SOCS6: variants seen among roughly 807,000 people sequenced by gnomAD.
SOCS6 encodes the protein STAT induced STAT inhibitor-4.
In SOCS6, 5 loss-of-function variants were observed where a neutral mutation model predicts 27.7. The observed-to-expected ratio is 0.18, with a 90% confidence interval of 0.09 to 0.38. SOCS6 has a LOEUF of 0.38. SOCS6 is among the 10% of genes least tolerant of loss of function. The probability of loss-of-function intolerance (pLI) is 1.00; values close to 1 mark genes in which losing one functional copy is unlikely to be tolerated. For synonymous variants in SOCS6, 271 were observed against 260.0 expected, an observed-to-expected ratio of 1.04 and a Z score of -0.41; for missense variants, 595 against 688.1, an observed-to-expected ratio of 0.86 and a Z score of 1.51.
intron 1 of SOCS6, among the ~76,000 whole-genome samples, chr18:70,291,833 A>T (rs570760314): frequency 6.6e-6 from 1 of 152,336 alleles, no homozygotes; most frequent in African/African-American, 2.4e-5. Flanking sequence ...AATTCCAAAT[A>T]CTAGTATATG....
chr18:70,290,084 C>G (rs902392522), intron 1 of SOCS6, among the ~76,000 whole-genome samples: 10 of 152,170 alleles, frequency 6.6e-5, no homozygotes, highest in Admixed American at 2.6e-4. Flanking sequence ...ATGTTGAATT[C>G]ATTTCAACAA....
At position 70,325,684 on chromosome 18, in the gene SOCS6, G is replaced by A. The variant is rs773506593; in HGVS notation, c.1016G>A (p.Ser339Asn). ...LTGTEAHVAE[S>N]MRCHLNFDPN... The stretch of plus-strand genomic sequence containing the variant: ...GGCACAGAAGCCCACGTGGCTGAAA[G>A]TATGCGCTGTCATTTGAATTTTGAT... Residue 339 changes from serine to asparagine, a missense_variant, in exon 2 of 2, where the codon AGT becomes AAT. This residue lies in a region of SOCS6 where 467 missense variants were observed against 481.1 expected (regional missense o/e 0.97). Transcript: ENST00000397942. The surrounding 1 kb of genome is among the most constrained non-coding windows in gnomAD (Gnocchi z 6.3). 2 of 1,614,092 alleles carry A rather than the reference G, an allele frequency of 1.2e-6. No individual in the cohort carries two copies. The highest frequency in any genetic ancestry group is 1.7e-6 in the Non-Finnish European group (2 of 1,180,046).
intron 1 of SOCS6, among the ~76,000 whole-genome samples, chr18:70,301,134 G>A (rs2062346534): frequency 1.3e-5 from 2 of 152,170 alleles, no homozygotes; most frequent in Admixed American, 1.3e-4. Flanking sequence ...CTACCAGTTG[G>A]ATGCTGGCAG....
At chr18:70,303,948 G>A (rs911556913) in intron 1 of SOCS6, among the ~76,000 whole-genome samples, 1 of 152,164 alleles carries the variant, frequency 6.6e-6, no homozygotes, top group Non-Finnish European at 1.5e-5. Flanking sequence ...TTCCATAAAT[G>A]TGTTGAGTGA....
chr18:70,317,408 T>A (rs12965948), intron 1 of SOCS6, among the ~76,000 whole-genome samples: 1 of 151,268 alleles, frequency 6.6e-6, no homozygotes. Context: ...TATAGCTAAG[T>A]AGTATTCCAT....
intron 1 of SOCS6, among the ~76,000 whole-genome samples, chr18:70,320,187 C>T (rs1910925601): frequency 6.6e-6 from 1 of 152,032 alleles, no homozygotes; most frequent in Non-Finnish European, 1.5e-5. Context: ...CGGGGTTTCA[C>T]CATGTTGGCC....
intron 1 of SOCS6, among the ~76,000 whole-genome samples, chr18:70,289,327 G>T (rs1242463888): frequency 1.3e-5 from 2 of 148,842 alleles, no homozygotes; most frequent in Non-Finnish European, 3.0e-5. Flanking sequence ...GGGAACGGGG[G>T]CCGGGGCCAG....
In SOCS6 at chr18:70,325,493, C is replaced by G. The variant is rs144666598; in HGVS notation, c.825C>G (p.Val275=). 1 of 1,614,098 alleles carries G rather than the reference C, an allele frequency of 6.2e-7. No individual in the cohort carries two copies. Among genetic ancestry groups the G allele is most frequent in the Non-Finnish European group, 8.5e-7 (1 of 1,180,030 alleles). ...DESQVDQDLV[V]APEIFVDQSV... ...GTCAGGTAGACCAGGACCTAGTTGT[C>G]GCCCCAGAGATCTTCGTGGATCAGT... Residue 275 remains valine, a synonymous_variant, in exon 2 of 2, where the codon GTC becomes GTG. Coordinates refer to ENST00000397942, the MANE Select transcript of SOCS6 (RefSeq NM_004232.4). The surrounding 1 kb of genome is among the most constrained non-coding windows in gnomAD (Gnocchi z 6.3).
At chr18:70,290,749 C>T (rs2062295234) in intron 1 of SOCS6, among the ~76,000 whole-genome samples, 1 of 152,180 alleles carries the variant, frequency 6.6e-6, no homozygotes, top group African/African-American at 2.4e-5. Flanking sequence ...GGTATTCACC[C>T]GAATCTATAC....
At position 70,329,207 on chromosome 18, in the gene SOCS6, G is replaced by C. The variant is rs1911325911; in HGVS notation, c.*2931G>C. On this transcript the variant is annotated 3_prime_UTR_variant, in exon 2 of 2. Coordinates refer to ENST00000397942, the MANE Select transcript of SOCS6 (RefSeq NM_004232.4). ...CTAAGGAAAACTCTTTCTACTTGGT[G>C]CAATAATCTGAAAATTTAGAAGGTC... The C allele has an allele frequency of 6.0e-6, 1 of 167,048 alleles. No individual in the cohort carries two copies. Among genetic ancestry groups the C allele is most frequent in the African/African-American group, 2.4e-5 (1 of 41,444 alleles). The allele number at this position is 167,048 out of a possible 1,614,324, so 10.3% of individuals were successfully genotyped here. A position where few individuals can be genotyped will look rare whatever the true frequency, so the allele number is the denominator to read the frequency against.
chr18:70,313,800 A>G (rs2062400024), intron 1 of SOCS6, among the ~76,000 whole-genome samples: 1 of 152,170 alleles, frequency 6.6e-6, no homozygotes, highest in East Asian at 1.9e-4. Flanking sequence ...TTAGTCTTTT[A>G]GAATTTTTCT....
rs41474653 is a variant in SOCS6 at position 70,313,096 on chromosome 18, A to T, written c.-126-11447A>T. Among the ~76,000 whole-genome samples the T allele has an allele frequency of 1.9e-3, 289 of 152,266 alleles. 1 individual carries two copies. The highest frequency in any genetic ancestry group is 6.5e-3 in the African/African-American group (270 of 41,560). On this transcript the variant is annotated intron_variant, in intron 1 of 1. Transcript: ENST00000397942. ...CACCGGGTCCATGGATTTTTTAATG[A>T]TGAATGAATTGAGAATATTTTAGGT... is the stretch of plus-strand genomic sequence containing the variant.
At chr18:70,293,113 C>CA (rs1382258181) in intron 1 of SOCS6, among the ~76,000 whole-genome samples, 2 of 152,020 alleles carry the variant, frequency 1.3e-5, no homozygotes, top group East Asian at 3.9e-4. Flanking sequence ...GTGTCCCTGA[C>CA]ACATCCCAGG....
chr18:70,325,626 A>C lies in SOCS6; in HGVS notation c.958A>C (p.Asn320His). 1 of 1,614,208 alleles carries C rather than the reference A, an allele frequency of 6.2e-7. No homozygotes were observed. The highest frequency in any genetic ancestry group is 8.5e-7 in the Non-Finnish European group (1 of 1,180,034). Reference sequence around the variant, plus strand: ...ACCATTGCTACCTCCAATGCAGAATAATCAAATCCAAAGGAACTTCAGTGG... The same window carrying C: ...ACCATTGCTACCTCCAATGCAGAATCATCAAATCCAAAGGAACTTCAGTGG... ...LSPLLPPMQN[N>H]QIQRNFSGLT... is the part of the protein sequence containing the mutation. The change falls in exon 2 of 2, where the codon AAT (asparagine) becomes CAT (histidine). Residue 320 changes from asparagine (N) to histidine (H), a missense_variant. By Grantham distance (68) the Asn-to-His change is moderately conservative. Around this residue, in one of 2 missense-constraint regions of SOCS6, gnomAD observed 467 missense variants for 481.1 expected, o/e 0.97. Coordinates refer to ENST00000397942, the MANE Select transcript of SOCS6 (RefSeq NM_004232.4). This position sits in a 1 kb window ranked among gnomAD's most constrained non-coding sequence, Gnocchi z 6.3.
Position 70,324,552 on chromosome 18 carries a change from C to A in SOCS6, c.-117C>A. On this transcript the variant is annotated 5_prime_UTR_variant, in exon 2 of 2. Transcript: ENST00000397942. ...TATTTTTATTTTTTAGAAAATGGCT[C>A]CAAAGGTTAAATGAAGCAGGAAAAA... is the stretch of plus-strand genomic sequence containing the variant. 1.5e-6 allele frequency: 1 copy of A among 673,522 alleles called. No homozygotes were observed. Among genetic ancestry groups the A allele is most frequent in the Non-Finnish European group, 2.5e-6 (1 of 405,286 alleles). 41.7% of individuals were successfully genotyped at this position (673,522 alleles called of 1,614,324 possible).
Position 70,305,213 on chromosome 18 carries a change from GA to G in SOCS6, c.-127+16135del, listed in dbSNP as rs1305242426. 3.3e-3 allele frequency among the ~76,000 whole-genome samples: 471 copies of G among 143,000 alleles called. 3 individuals carry two copies. Among genetic ancestry groups the G allele is most frequent in the Non-Finnish European group, 2.2e-3 (141 of 64,890 alleles). The allele number at this position is 143,000 out of a possible 152,430, so 93.8% of individuals were successfully genotyped here. ...ACAGAGCAAGACGCCGTCTCAAAAA[GA>G]AAAAAAAAAAAGTTTTATAGTTTTA... On this transcript the variant is annotated intron_variant, in intron 1 of 1. Coordinates refer to ENST00000397942, the MANE Select transcript of SOCS6 (RefSeq NM_004232.4).
intron 1 of SOCS6, among the ~76,000 whole-genome samples, chr18:70,297,607 G>T (rs1046312692): frequency 3.3e-5 from 5 of 152,056 alleles, no homozygotes; most frequent in African/African-American, 1.2e-4. Flanking sequence ...TCGCATCTTT[G>T]GGAACCCACA....
At chr18:70,306,094 G>T (rs904805760) in intron 1 of SOCS6, among the ~76,000 whole-genome samples, 2 of 152,014 alleles carry the variant, frequency 1.3e-5, no homozygotes, top group Non-Finnish European at 2.9e-5. Flanking sequence ...GCTAAGTGTG[G>T]TGGCATGCAT....
chr18:70,317,459 GATACATATATACACATATATAC>G (rs1249956138), intron 1 of SOCS6, among the ~76,000 whole-genome samples: 6,036 of 142,340 alleles, frequency 0.042, 464 homozygotes, highest in African/African-American at 0.15. Context: ...TACATATATA[GATACATATATACACATATATAC>G]ATACATATAT....
Sources: gnomAD v4.1 joint callset for allele counts (sites outside exome capture counted in the v4.1 genomes callset) on GRCh38, gnomAD v4.1.1 for gene constraint, gnomAD v4.1.1 regional missense constraint, Gnocchi (gnomAD v3.1) non-coding constraint, MANE v1.5 for transcripts, NCBI Gene and HGNC (gene_info 2026-07-23, HGNC 2026-07-21) for gene names.